The following LMNB1 variants were observed in gnomAD, a reference collection of about 807,000 sequenced individuals.
LMNB1 encodes lamin-B1.
A neutral mutation model predicts 67.1 loss-of-function variants in LMNB1; 23 were observed. The ratio of observed to expected loss-of-function variants is 0.34; its 90% CI spans 0.25 to 0.49. The LOEUF (loss-of-function observed/expected upper bound fraction) is 0.49. LMNB1 is among the 20% of genes least tolerant of loss of function. LMNB1 has a pLI of 0.99. For synonymous variants in LMNB1, 281 were observed against 282.9 expected (o/e 0.99, Z 0.07); for missense variants, 634 against 746.5 (o/e 0.85, Z 1.76).
rs1009900955 is a variant in LMNB1 at position 126,806,967 on chromosome 5, C to A, written c.642+1271C>A. On this transcript the variant is annotated intron_variant, in intron 3 of 10. Transcript: ENST00000261366. ...TAATTTTTTGTATTTTTAATAGAGA[C>A]GAGGTTCCACCGTGTTAGCCAGGAT... 1.1e-3 allele frequency among the ~76,000 whole-genome samples: 163 copies of A among 152,124 alleles called. 2 individuals are homozygous for A. The highest frequency in any genetic ancestry group is 3.7e-3 in the African/African-American group (155 of 41,496).
intron 9 of LMNB1, among the ~76,000 whole-genome samples, chr5:126,830,265 C>T (rs1286326867): frequency 6.6e-6 from 1 of 152,206 alleles, no homozygotes; most frequent in East Asian, 1.9e-4. Context: ...AGTGCACCTT[C>T]ATATGCCCAA....
intron 1 of LMNB1, among the ~76,000 whole-genome samples, chr5:126,778,629 A>T (rs150543237): frequency 6.6e-6 from 1 of 152,254 alleles, no homozygotes; most frequent in African/African-American, 2.4e-5. Context: ...GGTTCTGCGC[A>T]GGGAAGGAAA....
Position 126,790,407 on chromosome 5 carries a change from G to T in LMNB1, c.359+12540G>T, listed in dbSNP as rs554391392. Among the ~76,000 whole-genome samples the T allele has an allele frequency of 4.3e-4, 65 of 152,230 alleles. 1 individual carries two copies. The highest frequency in any genetic ancestry group is 1.5e-3 in the African/African-American group (63 of 41,488). ...AGATGTAAGCCACCACATCTGGTCTGCTGTGTTATTTTTAATTTGTGCAGA... is the reference window on the plus strand; with the variant it reads ...AGATGTAAGCCACCACATCTGGTCTTCTGTGTTATTTTTAATTTGTGCAGA... On this transcript the variant is annotated intron_variant, in intron 1 of 10. Transcript: ENST00000261366.
chr5:126,796,376 C>G (rs1751092941), intron 1 of LMNB1, among the ~76,000 whole-genome samples: 1 of 152,104 alleles, frequency 6.6e-6, no homozygotes, highest in African/African-American at 2.4e-5. Context: ...GAGAGTCATC[C>G]TCACAGAAGG....
At chr5:126,800,982 A>ATAATTTTT in intron 1 of LMNB1, among the ~76,000 whole-genome samples, 2 of 18,632 alleles carry the variant, frequency 1.1e-4, no homozygotes, top group Non-Finnish European at 2.1e-4. Flanking sequence ...TATATATATA[A>ATAATTTTT]TTTTTTTTTT....
At chr5:126,808,343 C>T (rs796837905) in intron 3 of LMNB1, among the ~76,000 whole-genome samples, 40 of 151,612 alleles carry the variant, frequency 2.6e-4, no homozygotes, top group African/African-American at 9.7e-4. Context: ...ACCCTCACAA[C>T]TGGCTAACTT....
rs1750493698 is a variant in LMNB1, at chr5:126,777,547, C to G, written c.39C>G (p.Ser13Arg). The change falls in exon 1 of 11, where the codon AGC (serine) becomes AGG (arginine). Residue 13 changes from serine to arginine, a missense_variant. Ser to Arg is a moderately radical substitution (Grantham distance 110). Coordinates refer to ENST00000261366, the MANE Select transcript of LMNB1 (RefSeq NM_005573.4). Reference sequence around the variant, plus strand: ...CCCCCGTGCCGCCGCGGATGGGCAGCCGCGCTGGCGGCCCCACCACGCCGC... The same window carrying G: ...CCCCCGTGCCGCCGCGGATGGGCAGGCGCGCTGGCGGCCCCACCACGCCGC... ...TATPVPPRMG[S>R]RAGGPTTPLS... 6.9e-7 allele frequency: 1 copy of G among 1,440,204 alleles called. No individual in the cohort carries two copies. The highest frequency in any genetic ancestry group is 9.2e-7 in the Non-Finnish European group (1 of 1,092,834). 89.2% of individuals were successfully genotyped at this position (1,440,204 alleles called of 1,614,324 possible).
intron 9 of LMNB1, among the ~76,000 whole-genome samples, chr5:126,831,274 A>G (rs193282303): frequency 0.017 from 2,619 of 152,302 alleles, 88 homozygotes; most frequent in African/African-American, 0.06. Context: ...AGGGTACAGA[A>G]TAAAATTATA....
At chr5:126,815,283 G>C (rs1751680590) in intron 5 of LMNB1, 1 of 152,062 alleles carries the variant, frequency 6.6e-6, no homozygotes. Flanking sequence ...ACTTAAAATT[G>C]ACATGGCTTT....
intron 9 of LMNB1, among the ~76,000 whole-genome samples, chr5:126,831,561 T>C (rs1752130278): frequency 6.6e-6 from 1 of 152,236 alleles, no homozygotes; most frequent in Non-Finnish European, 1.5e-5. Flanking sequence ...CTTGATTTTG[T>C]TTCATTCAAG....
intron 1 of LMNB1, among the ~76,000 whole-genome samples, chr5:126,795,130 C>CTTTTTTTTG: frequency 7.8e-6 from 1 of 128,942 alleles, no homozygotes; most frequent in South Asian, 2.4e-4. Context: ...ATTCCTTTTC[C>CTTTTTTTTG]TTTTTTTTTT....
intron 3 of LMNB1, among the ~76,000 whole-genome samples, chr5:126,809,692 A>C (rs1048493831): frequency 7.0e-6 from 1 of 143,642 alleles, no homozygotes; most frequent in Non-Finnish European, 1.5e-5. Context: ...ATCTCAGAAA[A>C]GAAAAGAAAA....
chr5:126,836,340 G>T lies in LMNB1; in HGVS notation c.*76G>T. The T allele has an allele frequency of 1.1e-6, 1 of 903,484 alleles. No homozygotes were observed. Among genetic ancestry groups the T allele is most frequent in the Non-Finnish European group, 1.7e-6 (1 of 586,744 alleles). The allele number at this position is 903,484 out of a possible 1,614,324, so 56.0% of individuals were successfully genotyped here. A position where few individuals can be genotyped will look rare whatever the true frequency, so the allele number is the denominator to read the frequency against. On this transcript the variant is annotated 3_prime_UTR_variant, in exon 11 of 11. Transcript: ENST00000261366. The stretch of plus-strand genomic sequence containing the variant: ...TATACAGTGCAGAGCCTTCTCAGAA[G>T]CACAGAATATTTTTATATTTCCTTT...
intron 2 of LMNB1, 33 bp from the exon 3 acceptor site, chr5:126,805,538 A>G: frequency 6.6e-7 from 1 of 1,507,504 alleles, no homozygotes; most frequent in African/African-American, 1.4e-5. Flanking sequence ...ATTGCCATGT[A>G]ATTTTTATCA....
intron 1 of LMNB1, among the ~76,000 whole-genome samples, chr5:126,790,293 A>G: frequency 6.6e-6 from 1 of 151,566 alleles, no homozygotes; most frequent in Non-Finnish European, 1.5e-5. Context: ...TTTAGTAGAG[A>G]AGGGGTTTTG....
chr5:126,826,141 A>G (rs1250588863), intron 9 of LMNB1, 34 bp downstream of exon 9: 4 of 1,582,588 alleles, frequency 2.5e-6, no homozygotes, highest in South Asian at 1.2e-5. Context: ...CCACAATGTT[A>G]ATTTCACTTA....
In LMNB1 at chr5:126,836,758, A is replaced by AT. The variant is rs985777829; in HGVS notation, c.*502dup. ...TTTGTAATAAGCAATCAAGGTTATA[A>AT]TTTTTTTTAAAATAGAAATTTTGTA... On this transcript the variant is annotated 3_prime_UTR_variant, in exon 11 of 11. Coordinates refer to ENST00000261366, the MANE Select transcript of LMNB1 (RefSeq NM_005573.4). The AT allele has an allele frequency of 2.0e-5, 8 of 393,670 alleles. No individual in the cohort carries two copies. The highest frequency in any genetic ancestry group is 1.1e-4 in the East Asian group (3 of 27,756). The allele number at this position is 393,670 out of a possible 1,614,324, so 24.4% of individuals were successfully genotyped here.
intron 7 of LMNB1, among the ~76,000 whole-genome samples, chr5:126,821,981 A>C (rs1050599905): frequency 6.6e-6 from 1 of 151,780 alleles, no homozygotes; most frequent in Non-Finnish European, 1.5e-5. Flanking sequence ...TTTTAATGCT[A>C]AAGAGAATAG....
At chr5:126,829,591 A>T (rs952180076) in intron 9 of LMNB1, among the ~76,000 whole-genome samples, 1 of 151,674 alleles carries the variant, frequency 6.6e-6, no homozygotes, top group Non-Finnish European at 1.5e-5. Flanking sequence ...AGCAGAAGGC[A>T]GTAGAAGTTT....
Sources: gnomAD v4.1 joint callset for allele counts (sites outside exome capture counted in the v4.1 genomes callset) on GRCh38, gnomAD v4.1.1 for gene constraint, MANE v1.5 for transcripts, NCBI Gene and HGNC (gene_info 2026-07-23, HGNC 2026-07-21) for gene names.